The following TRIQK variants were observed in gnomAD, a reference collection of about 807,000 sequenced individuals.
The protein encoded by TRIQK is triple QxxK/R motif containing, also known as triple QxxK/R motif-containing protein.
In TRIQK, 10 loss-of-function variants were observed where a neutral mutation model predicts 10.8. That is an observed-to-expected ratio of 0.92 (90% CI 0.57 to 1.57). The LOEUF is 1.57. Among genes scored for constraint, TRIQK ranks in the 40% most tolerant of loss-of-function variants. The probability of loss-of-function intolerance (pLI) is 0.00; values close to 1 mark genes in which losing one functional copy is unlikely to be tolerated. For synonymous variants in TRIQK, 33 were observed against 33.7 expected, an observed-to-expected ratio of 0.98 and a Z score of 0.07; for missense variants, 107 against 97.7, an observed-to-expected ratio of 1.09 and a Z score of -0.40.
At chr8:92,948,210 T>C (rs1183006768) in intron 2 of TRIQK, among the ~76,000 whole-genome samples, 2 of 152,184 alleles carry the variant, frequency 1.3e-5, no homozygotes, top group East Asian at 3.9e-4. Context: ...TTAATTCACT[T>C]TTATTCTGTT....
At chr8:92,983,617 G>C (rs1050852158) in intron 1 of TRIQK, among the ~76,000 whole-genome samples, 2 of 152,014 alleles carry the variant, frequency 1.3e-5, no homozygotes, top group African/African-American at 4.8e-5. Flanking sequence ...TATAATTTCT[G>C]AATTTCTCAT....
chr8:92,900,558 G>GA lies in TRIQK; in HGVS notation c.62-8485dup, dbSNP rs540425615. ...AAAAATGAGCTCACTGTAGATGTAAGAATTTGTTTCTGAGTTCTCTATTCT... is the reference window on the plus strand; with the variant it reads ...AAAAATGAGCTCACTGTAGATGTAAGAAATTTGTTTCTGAGTTCTCTATTCT... On this transcript the variant is annotated intron_variant, in intron 3 of 4. Coordinates refer to ENST00000521988, the MANE Select transcript of TRIQK (RefSeq NM_001171797.2). Among the ~76,000 whole-genome samples, 15 of 152,204 alleles carry GA rather than the reference G, an allele frequency of 9.9e-5. No individual in the cohort carries two copies. The South Asian group carries it at 3.1e-3, about 32-fold the overall frequency.
chr8:92,887,238 TA>T (rs1816532540), intron 4 of TRIQK, among the ~76,000 whole-genome samples: 1 of 151,444 alleles, frequency 6.6e-6, no homozygotes, highest in Non-Finnish European at 1.5e-5. Context: ...TATAGATGTA[TA>T]CATACTCATT....
chr8:92,975,559 G>C (rs1203256252), intron 1 of TRIQK, among the ~76,000 whole-genome samples: 1 of 152,006 alleles, frequency 6.6e-6, no homozygotes, highest in Non-Finnish European at 1.5e-5. Context: ...GGTAGTGGCA[G>C]TTTGTCTTAT....
intron 2 of TRIQK, among the ~76,000 whole-genome samples, chr8:92,953,078 TA>T (rs1479758252): frequency 2.0e-5 from 3 of 152,040 alleles, no homozygotes; most frequent in African/African-American, 7.2e-5. Flanking sequence ...CAGCCTTTCA[TA>T]AGTACAACAT....
chr8:92,994,379 CCTT>C (rs1380552691), intron 1 of TRIQK, among the ~76,000 whole-genome samples: 20 of 149,612 alleles, frequency 1.3e-4, no homozygotes, highest in African/African-American at 4.8e-4. Flanking sequence ...TCTGCTTACT[CCTT>C]TTTTTCAACA....
At chr8:92,949,531 A>AGAAGGAAGGAAG (rs59992773) in intron 2 of TRIQK, among the ~76,000 whole-genome samples, 12 of 145,682 alleles carry the variant, frequency 8.2e-5, no homozygotes, top group African/African-American at 2.3e-4. Flanking sequence ...AAAGAAAGAA[A>AGAAGGAAGGAAG]GAAGGAAGGA....
At chr8:93,005,407 C>T (rs1813258631) in intron 1 of TRIQK, among the ~76,000 whole-genome samples, 1 of 152,152 alleles carries the variant, frequency 6.6e-6, no homozygotes, top group Non-Finnish European at 1.5e-5. Flanking sequence ...CCCACTAGGT[C>T]CCTCTCCCAA....
At chr8:92,922,606 C>G (rs145174831) in intron 2 of TRIQK, 1 of 151,526 alleles carries the variant, frequency 6.6e-6, no homozygotes, top group Admixed American at 6.6e-5. Context: ...TCACTACCTA[C>G]AGAAAATAAA....
chr8:93,008,488 A>T (rs930409115), intron 1 of TRIQK, among the ~76,000 whole-genome samples: 1 of 152,106 alleles, frequency 6.6e-6, no homozygotes. Context: ...GATATTCTTC[A>T]CAGGAACAGA....
intron 3 of TRIQK, among the ~76,000 whole-genome samples, chr8:92,901,799 A>G (rs10102922): frequency 0.73 from 111,080 of 151,950 alleles, 40,856 homozygotes; most frequent in Middle Eastern, 0.82. Context: ...CTATTTTTTG[A>G]AAGTTTGAGT....
intron 1 of TRIQK, among the ~76,000 whole-genome samples, chr8:92,990,757 C>G (rs1813087834): frequency 6.6e-6 from 1 of 152,174 alleles, no homozygotes; most frequent in Non-Finnish European, 1.5e-5. Context: ...CATTGCAACC[C>G]GCAGACCAAG....
chr8:93,016,848 T>C (rs1339953152), intron 1 of TRIQK, among the ~76,000 whole-genome samples: 1 of 152,080 alleles, frequency 6.6e-6, no homozygotes, highest in African/African-American at 2.4e-5. Flanking sequence ...AGCAAAGATG[T>C]AAGGCTAGCA....
chr8:92,932,567 A>G (rs1396679721), intron 2 of TRIQK, among the ~76,000 whole-genome samples: 2 of 152,184 alleles, frequency 1.3e-5, no homozygotes, highest in East Asian at 3.9e-4. Context: ...GAAACTATGT[A>G]AATATCCTAT....
intron 2 of TRIQK, among the ~76,000 whole-genome samples, chr8:92,937,856 T>G (rs1225836687): frequency 6.6e-6 from 1 of 152,002 alleles, no homozygotes. Context: ...TTTATCAATA[T>G]AAACCATTGA....
chr8:92,982,063 G>A (rs946797296), intron 1 of TRIQK, among the ~76,000 whole-genome samples: 11 of 151,070 alleles, frequency 7.3e-5, no homozygotes, highest in Admixed American at 1.3e-4. Context: ...CCTTATTTTC[G>A]AGATATCTAA....
Position 92,956,470 on chromosome 8 carries a change from C to T in TRIQK, c.-180-1906G>A, listed in dbSNP as rs117898687. Among the ~76,000 whole-genome samples, 316 of 151,538 alleles carry T rather than the reference C, an allele frequency of 2.1e-3. 1 individual carries two copies. Among genetic ancestry groups the T allele is most frequent in the Non-Finnish European group, 3.2e-3 (215 of 67,678 alleles). ...AATATTCTGAAATTAGATAGTTGCA[C>T]AATATTGGGAATATTGTAAAAATTC... On this transcript the variant is annotated intron_variant, in intron 1 of 4. Transcript: ENST00000521988.
chr8:92,916,885 T>A, intron 3 of TRIQK, 44 bp downstream of exon 3: 1 of 1,299,552 alleles, frequency 7.7e-7, no homozygotes, highest in Non-Finnish European at 1.0e-6. Context: ...ATTGTGTTTT[T>A]ATCTCAATTA....
chr8:92,935,948 AC>A lies in TRIQK; in HGVS notation c.-22+18457del, dbSNP rs1810967555. On this transcript the variant is annotated intron_variant, in intron 2 of 4. Transcript: ENST00000521988. ...TAAGTCAATCAATGTTTAAAAATCTACCCTTAAAAAATAAGACATACACACA... is the reference window on the plus strand; with the variant it reads ...TAAGTCAATCAATGTTTAAAAATCTACCTTAAAAAATAAGACATACACACA... Among the ~76,000 whole-genome samples, 3 of 151,666 alleles carry A rather than the reference AC, an allele frequency of 2.0e-5. 1 individual carries two copies. Among genetic ancestry groups the A allele is most frequent in the Admixed American group, 1.3e-4 (2 of 15,218 alleles).
Sources: allele counts gnomAD v4.1 joint callset (sites outside exome capture counted in the v4.1 genomes callset), GRCh38; gene constraint gnomAD v4.1.1; transcripts MANE v1.5; gene names NCBI Gene and HGNC (gene_info 2026-07-23, HGNC 2026-07-21).